Variants in NR2E3 observed in about 807,000 individuals in gnomAD.
NR2E3 encodes the protein nuclear receptor subfamily 2 group E member 3.
Under a neutral mutation model 37.6 loss-of-function variants are expected in NR2E3, and 38 were observed. That is an observed-to-expected ratio of 1.01 (90% CI 0.78 to 1.33). The LOEUF (loss-of-function observed/expected upper bound fraction) is 1.33. Ranked by LOEUF, NR2E3 falls within the 40% of genes most tolerant of loss-of-function variation. The probability of loss-of-function intolerance (pLI) is 0.00; values close to 1 mark genes in which losing one functional copy is unlikely to be tolerated. For missense variants in NR2E3, 562 were observed against 558.7 expected (o/e 1.01, Z -0.06); for synonymous variants, 235 against 225.1 (o/e 1.04, Z -0.39).
intron 7 of NR2E3, among the ~76,000 whole-genome samples, chr15:71,817,208 C>T (rs1462783529): frequency 6.6e-6 from 1 of 151,352 alleles, no homozygotes; most frequent in African/African-American, 2.4e-5. Context: ...ATGCCATTCT[C>T]CTGCCTCAGC....
chr15:71,814,859 C>G, intron 7 of NR2E3: 1 of 985,534 alleles, frequency 1.0e-6, no homozygotes, highest in Non-Finnish European at 1.2e-6. Context: ...AGAAGGGAGA[C>G]TCTAGGAGTT....
rs749528847 is a variant in NR2E3 at position 71,811,483 on chromosome 15, G to T, written c.119G>T (p.Gly40Val). The T allele has an allele frequency of 1.3e-6, 2 of 1,555,872 alleles. No individual in the cohort carries two copies. Among genetic ancestry groups the T allele is most frequent in the East Asian group, 2.4e-5 (1 of 41,218 alleles). Residue 40 changes from glycine to valine, a missense_variant and splice_region_variant, in exon 2 of 8, where the codon GGC becomes GTC. Physicochemically the swap from Gly to Val is moderately radical, Grantham distance 109. Transcript: ENST00000617575. This position sits in a 1 kb window ranked among gnomAD's most constrained non-coding sequence, Gnocchi z 5.6. ...CCCAGCCCTGCCCCCTGCCCCTCAG[G>T]CGTGAGCCCCTCGCTCCAGTGCCGC... ...GRWGLGEDPT[G>V]VSPSLQCRVC...
intron 7 of NR2E3, among the ~76,000 whole-genome samples, chr15:71,817,275 T>C (rs1790590497): frequency 6.6e-6 from 1 of 152,008 alleles, no homozygotes; most frequent in Admixed American, 6.6e-5. Context: ...ATTTTTTGTA[T>C]ATTTAGTAGA....
rs1322109793 is a variant in NR2E3, at chr15:71,811,924, C to A, written c.350-31C>A. ...GACAAGAAATGGGCAGCGGGACTGG[C>A]GTGTCGTCCTGACCCTTCCTGCCTC... On this transcript the variant is annotated intron_variant, in intron 3 of 7. Coordinates refer to ENST00000617575, the MANE Select transcript of NR2E3 (RefSeq NM_014249.4). This position sits in a 1 kb window ranked among gnomAD's most constrained non-coding sequence, Gnocchi z 5.6. The A allele has an allele frequency of 9.0e-6, 14 of 1,548,664 alleles. No homozygotes were observed.
At chr15:71,814,783 G>A in intron 7 of NR2E3, 3 of 985,530 alleles carry the variant, frequency 3.0e-6, no homozygotes, top group Non-Finnish European at 3.6e-6. Context: ...GGAAGGGGAT[G>A]GCAGCTACTG....
rs761628767 is a variant in NR2E3, at chr15:71,813,567, G to A, written c.926G>A (p.Arg309Gln). 1.3e-5 allele frequency: 21 copies of A among 1,613,832 alleles called. No homozygotes were observed. Among genetic ancestry groups the A allele is most frequent in the Admixed American group, 1.7e-5 (1 of 60,002 alleles). ...ETRVLQETISRFRALAVDPTE... is the reference protein window; with the variant it reads ...ETRVLQETISQFRALAVDPTE... ...CGTGTCCTGCAGGAAACTATCTCTC[G>A]GTTCCGGGCATTGGCGGTGGACCCC... Residue 309 changes from arginine (R) to glutamine (Q), a missense_variant, in exon 6 of 8, where the codon CGG becomes CAG. Coordinates refer to ENST00000617575, the MANE Select transcript of NR2E3 (RefSeq NM_014249.4). This position sits in a 1 kb window ranked among gnomAD's most constrained non-coding sequence, Gnocchi z 4.7.
At position 71,810,716 on chromosome 15, in the gene NR2E3, C is replaced by T; in HGVS notation, c.-28C>T. On this transcript the variant is annotated 5_prime_UTR_variant, in exon 1 of 8. Transcript: ENST00000617575. ...CAGGCTCAGCAACCCAGGCCTCCCG[C>T]AGGCAGGCAGAGGCTGCCCTGTAAC... 1 of 1,553,670 alleles carries T rather than the reference C, an allele frequency of 6.4e-7. No homozygotes were observed. Among genetic ancestry groups the T allele is most frequent in the Non-Finnish European group, 8.7e-7 (1 of 1,148,644 alleles).
At position 71,814,100 on chromosome 15, in the gene NR2E3, C is replaced by G; in HGVS notation, c.1083C>G (p.His361Gln). 1 of 1,611,258 alleles carries G rather than the reference C, an allele frequency of 6.2e-7. No homozygotes were observed. Among genetic ancestry groups the G allele is most frequent in the East Asian group, 2.2e-5 (1 of 44,888 alleles). ...VMLSQHSKAH[H>Q]PSQPVRFGKL... ...TGAGCCAGCACAGCAAGGCCCACCA[C>G]CCCAGCCAGCCCGTGAGGTGACCTG... The change falls in exon 7 of 8, where the codon CAC (histidine) becomes CAG (glutamine). Residue 361 changes from histidine (H) to glutamine (Q), a missense_variant. Transcript: ENST00000617575.
rs375470824 is a variant in NR2E3 at position 71,812,505 on chromosome 15, G to C, written c.741G>C (p.Arg247=). The stretch of plus-strand genomic sequence containing the variant: ...CTGTGTTCTCCAGCCTGCCCTTCCG[G>C]GATCAGGTACCTACCGGCCTGCCTG... ...NLPVFSSLPF[R]DQVILLEEAW... is the part of the protein sequence containing the mutation. The change falls in exon 5 of 8, where the codon CGG becomes CGC. Residue 247 remains arginine, a synonymous_variant. Coordinates refer to ENST00000617575, the MANE Select transcript of NR2E3 (RefSeq NM_014249.4). The C allele has an allele frequency of 6.4e-5, 103 of 1,609,722 alleles. No homozygotes were observed. Among genetic ancestry groups the C allele is most frequent in the Non-Finnish European group, 8.0e-5 (94 of 1,177,434 alleles).
Position 71,816,980 on chromosome 15 carries a change from A to G in NR2E3, c.1101-572A>G, listed in dbSNP as rs28535954. Among the ~76,000 whole-genome samples the G allele has an allele frequency of 5.6e-3, 851 of 152,296 alleles. 10 individuals carry two copies. Among genetic ancestry groups the G allele is most frequent in the African/African-American group, 0.019 (806 of 41,556 alleles). On this transcript the variant is annotated intron_variant, in intron 7 of 7. Coordinates refer to ENST00000617575, the MANE Select transcript of NR2E3 (RefSeq NM_014249.4). The stretch of plus-strand genomic sequence containing the variant: ...AAACTTCACTTTATAATCTTTACAT[A>G]TAATAAACAATATTTACTCATTATT...
intron 7 of NR2E3, chr15:71,814,532 AT>A: frequency 1.0e-6 from 1 of 993,668 alleles, no homozygotes; most frequent in Non-Finnish European, 1.2e-6. Context: ...GGCAAGCATG[AT>A]ATGTTGTTAG....
chr15:71,814,047 G>T lies in NR2E3; in HGVS notation c.1030G>T (p.Ala344Ser). ...CCTGAAGGATCCTGAGCACGTAGAGGCCTTGCAGGACCAGTCCCAAGTGAT... is the reference window on the plus strand; with the variant it reads ...CCTGAAGGATCCTGAGCACGTAGAGTCCTTGCAGGACCAGTCCCAAGTGAT... ...RGLKDPEHVE[A>S]LQDQSQVMLS... Residue 344 changes from alanine to serine, a missense_variant, in exon 7 of 8, where the codon GCC (alanine) becomes TCC (serine). Physicochemically the swap from Ala to Ser is moderately conservative, Grantham distance 99. Transcript: ENST00000617575. 6.2e-7 allele frequency: 1 copy of T among 1,612,808 alleles called. No homozygotes were observed. Among genetic ancestry groups the T allele is most frequent in the Non-Finnish European group, 8.5e-7 (1 of 1,179,730 alleles).
At position 71,810,769 on chromosome 15, in the gene NR2E3, T is replaced by C; in HGVS notation, c.26T>C (p.Met9Thr). 6.3e-7 allele frequency: 1 copy of C among 1,575,534 alleles called. No homozygotes were observed. The highest frequency in any genetic ancestry group is 1.4e-5 in the African/African-American group (1 of 74,024). METRPTAL[M>T]SSTVAAAAPA... ...ATGGAGACCAGACCAACAGCTCTGA[T>C]GAGCTCCACAGTGGCTGCAGCTGCG... Residue 9 changes from methionine to threonine, a missense_variant, in exon 1 of 8, where the codon ATG becomes ACG. Met to Thr is a moderately conservative substitution (Grantham distance 81, BLOSUM62 -1). Transcript: ENST00000617575.
intron 7 of NR2E3, among the ~76,000 whole-genome samples, chr15:71,815,870 A>G (rs772517848): frequency 6.6e-6 from 1 of 152,206 alleles, no homozygotes; most frequent in Non-Finnish European, 1.5e-5. Flanking sequence ...AGGTGAGGCA[A>G]TACCTGCAGT....
chr15:71,813,387 A>T lies in NR2E3; in HGVS notation c.748-2A>T. 1 of 1,610,848 alleles carries T rather than the reference A, an allele frequency of 6.2e-7. No individual in the cohort carries two copies. The highest frequency in any genetic ancestry group is 8.5e-7 in the Non-Finnish European group (1 of 1,178,680). ...ATAACAGGCACCCCTGTCTGAGCAC[A>T]GGTGATCCTGCTGGAAGAGGCGTGG... On this transcript the variant is annotated splice_acceptor_variant, in intron 5 of 7. Transcript: ENST00000617575. LOFTEE classifies it high-confidence loss of function. The surrounding 1 kb of genome is among the most constrained non-coding windows in gnomAD (Gnocchi z 4.7).
At chr15:71,814,443 A>C in intron 7 of NR2E3, 1 of 1,101,826 alleles carries the variant, frequency 9.1e-7, no homozygotes, top group Non-Finnish European at 1.1e-6. Context: ...CAGAATTGGG[A>C]GGGACTTTGT....
rs757167188 is a variant in NR2E3 at position 71,811,474 on chromosome 15, G to A, written c.119-9G>A. On this transcript the variant is annotated splice_polypyrimidine_tract_variant and intron_variant, in intron 1 of 7. Transcript: ENST00000617575. This position sits in a 1 kb window ranked among gnomAD's most constrained non-coding sequence, Gnocchi z 5.6. The stretch of plus-strand genomic sequence containing the variant: ...CTGCCCTGGCCCAGCCCTGCCCCCT[G>A]CCCCTCAGGCGTGAGCCCCTCGCTC... The A allele has an allele frequency of 1.9e-5, 29 of 1,553,606 alleles. No individual in the cohort carries two copies. The highest frequency in any genetic ancestry group is 2.4e-5 in the Non-Finnish European group (28 of 1,149,192).
chr15:71,813,560 A>G lies in NR2E3; in HGVS notation c.919A>G (p.Ile307Val), dbSNP rs375975199. The G allele has an allele frequency of 6.2e-7, 1 of 1,613,726 alleles. No individual in the cohort carries two copies. Among genetic ancestry groups the G allele is most frequent in the East Asian group, 2.2e-5 (1 of 44,874 alleles). Reference sequence around the variant, plus strand: ...GGAGACGCGTGTCCTGCAGGAAACTATCTCTCGGTTCCGGGCATTGGCGGT... The same window carrying G: ...GGAGACGCGTGTCCTGCAGGAAACTGTCTCTCGGTTCCGGGCATTGGCGGT... ...SMETRVLQET[I>V]SRFRALAVDP... The change falls in exon 6 of 8, where the codon ATC becomes GTC. Residue 307 changes from isoleucine to valine, a missense_variant. Coordinates refer to ENST00000617575, the MANE Select transcript of NR2E3 (RefSeq NM_014249.4). The surrounding 1 kb of genome is among the most constrained non-coding windows in gnomAD (Gnocchi z 4.7).
intron 7 of NR2E3, 67 bp downstream of exon 7, chr15:71,814,184 ACT>A: frequency 6.5e-7 from 1 of 1,538,070 alleles, no homozygotes; most frequent in East Asian, 2.4e-5. Context: ...CCTCTCCCAC[ACT>A]CTCCCAGAGC....
Sources: gnomAD v4.1 joint callset for allele counts (sites outside exome capture counted in the v4.1 genomes callset) on GRCh38, gnomAD v4.1.1 for gene constraint, Gnocchi (gnomAD v3.1) non-coding constraint, MANE v1.5 for transcripts, NCBI Gene and HGNC (gene_info 2026-07-23, HGNC 2026-07-21) for gene names.